The following MORC4 variants were observed in gnomAD, a reference collection of about 807,000 sequenced individuals.
MORC4 encodes MORC family CW-type zinc finger protein 4.
In MORC4, 22 loss-of-function variants were observed where a neutral mutation model predicts 65.5. The ratio of observed to expected loss-of-function variants is 0.34; its 90% confidence interval spans 0.24 to 0.48. MORC4 has a LOEUF of 0.48. MORC4 is among the 20% of genes least tolerant of loss of function. MORC4 has a pLI of 0.99. For missense variants in MORC4, 624 were observed against 703.0 expected (o/e 0.89, Z 1.27); for synonymous variants, 267 against 255.8 (o/e 1.04, Z -0.42).
chrX:106,977,311 C>T (rs1934645537), intron 8 of MORC4, among the ~76,000 whole-genome samples: 1 of 111,358 alleles, frequency 9.0e-6, no homozygotes, highest in Non-Finnish European at 1.9e-5. Context: ...TCTAAAGGTG[C>T]TATAACAAGG....
chrX:106,951,724 G>A (rs183335032), intron 14 of MORC4, among the ~76,000 whole-genome samples: 65 of 110,802 alleles, frequency 5.9e-4, no homozygotes, highest in African/African-American at 1.9e-3. Flanking sequence ...TTAGCCAGGC[G>A]CAGTGGCTCA....
intron 2 of MORC4, among the ~76,000 whole-genome samples, chrX:106,998,532 T>C (rs1448349286): frequency 8.9e-6 from 1 of 112,296 alleles, no homozygotes; most frequent in Non-Finnish European, 1.9e-5. Context: ...TGCTCCCTTG[T>C]AGTCTTTCTT....
intron 9 of MORC4, among the ~76,000 whole-genome samples, chrX:106,974,127 T>C (rs1032210243): frequency 5.4e-5 from 6 of 111,846 alleles, no homozygotes; most frequent in African/African-American, 1.6e-4. Context: ...GAATGATGGT[T>C]CTAGGACAGA....
chrX:106,970,011 A>G (rs1322941798), intron 9 of MORC4, among the ~76,000 whole-genome samples: 1 of 111,945 alleles, frequency 8.9e-6, no homozygotes, highest in Non-Finnish European at 1.9e-5. Flanking sequence ...AAAGCCTGGC[A>G]GAGACACAAC....
At chrX:106,998,851 G>A (rs777291122) in intron 2 of MORC4, among the ~76,000 whole-genome samples, 1 of 112,156 alleles carries the variant, frequency 8.9e-6, no homozygotes, top group Non-Finnish European at 1.9e-5. Context: ...TAGAGACCGG[G>A]GTTCATTTGG....
At position 106,942,835 on chromosome X, in the gene MORC4, C is replaced by A. The variant is rs747622368; in HGVS notation, c.2056G>T (p.Val686Phe). The change falls in exon 15 of 17, where the codon GTC (valine) becomes TTC (phenylalanine). Residue 686 changes from valine to phenylalanine, a missense_variant. Physicochemically the swap from Val to Phe is conservative, Grantham distance 50. Coordinates refer to ENST00000355610, the MANE Select transcript of MORC4 (RefSeq NM_024657.5). ...RGSTTINKEE[V>F]NKGPFVAVVG... Reference sequence around the variant, plus strand: ...ACAGCTACAAAAGGTCCCTTGTTGACTTCTTCTTTGTTTATGGTTGTGCTA... The same window carrying A: ...ACAGCTACAAAAGGTCCCTTGTTGAATTCTTCTTTGTTTATGGTTGTGCTA... 1.5e-4 allele frequency: 182 copies of A among 1,210,121 alleles called. No individual in the cohort carries two copies. The highest frequency in any genetic ancestry group is 1.9e-4 in the Non-Finnish European group (173 of 895,220).
intron 9 of MORC4, among the ~76,000 whole-genome samples, chrX:106,976,077 G>T (rs1355963729): frequency 9.0e-6 from 1 of 110,957 alleles, no homozygotes. Context: ...TATCCCTACT[G>T]GTTCAGCCAT....
chrX:106,971,900 G>C (rs1218611774), intron 9 of MORC4, among the ~76,000 whole-genome samples: 2 of 112,080 alleles, frequency 1.8e-5, no homozygotes, highest in Non-Finnish European at 3.8e-5. Flanking sequence ...CATTGTGGAA[G>C]ACAGTGTGGC....
intron 14 of MORC4, among the ~76,000 whole-genome samples, chrX:106,947,571 T>TATATATATATATATATATATAATATA (rs1555982139): frequency 2.6e-5 from 2 of 77,954 alleles, no homozygotes; most frequent in Non-Finnish European, 4.7e-5. Flanking sequence ...TATATATATA[T>TATATATATATATATATATATAATATA]TATATATATA....
intron 13 of MORC4, 126 bp downstream of exon 13, chrX:106,956,351 AAAG>A (rs1343302060): frequency 4.8e-6 from 3 of 623,481 alleles, no homozygotes; most frequent in Non-Finnish European, 7.8e-6. Flanking sequence ...GATTCAATGA[AAAG>A]AAGACCACCA....
chrX:106,945,414 TTG>T (rs35077497), intron 14 of MORC4, among the ~76,000 whole-genome samples: 4,535 of 83,147 alleles, frequency 0.055, 250 homozygotes, highest in African/African-American at 0.16. Context: ...ACTTACTACT[TTG>T]TGTGTGTGTG....
chrX:106,965,271 T>A (rs1934347219), intron 9 of MORC4, among the ~76,000 whole-genome samples: 1 of 111,880 alleles, frequency 8.9e-6, no homozygotes, highest in African/African-American at 3.2e-5. Flanking sequence ...AATTAGAGTG[T>A]CATAACTTAA....
chrX:106,993,086 T>A, intron 3 of MORC4, 144 bp downstream of exon 3: 1 of 610,344 alleles, frequency 1.6e-6, no homozygotes, highest in Non-Finnish European at 2.5e-6. Context: ...ATTTGTTTCA[T>A]AACCAGTGCC....
At position 106,986,424 on chromosome X, in the gene MORC4, A is replaced by G. The variant is rs1320751157; in HGVS notation, c.309-224T>C. 1.9e-4 allele frequency among the ~76,000 whole-genome samples: 21 copies of G among 112,028 alleles called. No homozygotes were observed. The Admixed American group carries it at 2.0e-3, about 11-fold the overall frequency. ...ACTAATTTTCCTGTGTGGTTTGTGT[A>G]TACATAAATAGTTCCATTACGTTAG... On this transcript the variant is annotated intron_variant, in intron 3 of 16. Coordinates refer to ENST00000355610, the MANE Select transcript of MORC4 (RefSeq NM_024657.5).
chrX:106,942,632 C>T lies in MORC4; in HGVS notation c.2259G>A (p.Glu753=). ...TTGGTGTATTATGACCTTCGCTCTC[C>T]TCATAGCCTCTTGCTTTCTCCCCAA... The part of the protein sequence containing the change: ...AAIGEKARGY[E]ESEGHNTPKL... The change falls in exon 15 of 17, where the codon GAG becomes GAA. Residue 753 remains glutamate (E), a synonymous_variant. Coordinates refer to ENST00000355610, the MANE Select transcript of MORC4 (RefSeq NM_024657.5). The T allele has an allele frequency of 8.3e-7, 1 of 1,211,500 alleles. No individual in the cohort carries two copies. Among genetic ancestry groups the T allele is most frequent in the Non-Finnish European group, 1.1e-6 (1 of 895,356 alleles).
chrX:106,977,506 T>C (rs1368860856), intron 8 of MORC4, among the ~76,000 whole-genome samples: 1 of 111,909 alleles, frequency 8.9e-6, no homozygotes, highest in Non-Finnish European at 1.9e-5. Context: ...AAAATTTGTA[T>C]AGAGTGGTTT....
At chrX:106,960,623 C>A (rs1216129300) in intron 10 of MORC4, among the ~76,000 whole-genome samples, 1 of 111,949 alleles carries the variant, frequency 8.9e-6, no homozygotes, top group Non-Finnish European at 1.9e-5. Flanking sequence ...GAACTTAGAA[C>A]AGTGCCTGAC....
intron 8 of MORC4, 75 bp from the exon 9 acceptor site, chrX:106,976,759 A>G (rs1934633335): frequency 1.4e-6 from 1 of 705,403 alleles, no homozygotes; most frequent in Non-Finnish European, 2.2e-6. Flanking sequence ...GATTCCAAAC[A>G]ATAATAGAAA....
At chrX:106,965,896 T>C (rs910038133) in intron 9 of MORC4, among the ~76,000 whole-genome samples, 4 of 111,908 alleles carry the variant, frequency 3.6e-5, no homozygotes, top group African/African-American at 1.3e-4. Context: ...ATTGGAAAAC[T>C]TGAGAGAAGA....
Sources: gnomAD v4.1 joint callset for allele counts (sites outside exome capture counted in the v4.1 genomes callset) on GRCh38, gnomAD v4.1.1 for gene constraint, MANE v1.5 for transcripts, NCBI Gene and HGNC (gene_info 2026-07-23, HGNC 2026-07-21) for gene names.